Variants in KARS1 observed in about 807,000 individuals in gnomAD.
KARS1 encodes lysyl-tRNA synthetase 1.
A neutral mutation model predicts 63.9 loss-of-function variants in KARS1; 50 were observed. The ratio of observed to expected loss-of-function variants is 0.78; its 90% CI spans 0.62 to 0.99. The LOEUF is 0.99. Among genes scored for constraint, KARS1 ranks in the 50% least tolerant of loss-of-function variants. The pLI, the probability that KARS1 is intolerant of heterozygous loss-of-function variation, is 0.00. For missense variants in KARS1, 816 were observed against 754.5 expected, an observed-to-expected ratio of 1.08 and a Z score of -0.95; for synonymous variants, 320 against 264.6, an observed-to-expected ratio of 1.21 and a Z score of -2.03.
intron 1 of KARS1, 22 bp downstream of exon 1, chr16:75,647,556 A>AG (rs765949103): frequency 4.3e-6 from 7 of 1,610,128 alleles, no homozygotes; most frequent in Non-Finnish European, 5.9e-6. Context: ...CAAAGGCTTT[A>AG]AAGACTCGCA....
chr16:75,642,965 T>G (rs369070727), intron 1 of KARS1: 1 of 152,358 alleles, frequency 6.6e-6, no homozygotes, highest in Non-Finnish European at 1.5e-5. Flanking sequence ...TAGGTATCTT[T>G]TAGTATCTTA....
chr16:75,631,818 A>G lies in KARS1; in HGVS notation c.953T>C (p.Ile318Thr). The G allele has an allele frequency of 1.9e-6, 3 of 1,614,104 alleles. No individual in the cohort carries two copies. The highest frequency in any genetic ancestry group is 2.5e-6 in the Non-Finnish European group (3 of 1,180,030). The change falls in exon 8 of 14, where the codon ATT becomes ACT. Residue 318 changes from isoleucine (I) to threonine (T), a missense_variant. By Grantham distance (89) the Ile-to-Thr change is moderately conservative (BLOSUM62 -1). Transcript: ENST00000302445. ...VVGGIDRVYE[I>T]GRQFRNEGID... ...CCCCTCATTCCGGAACTGGCGTCCA[A>G]TTTCATAAACCCGGTCGATGCCACC... is the stretch of plus-strand genomic sequence containing the variant.
At chr16:75,636,377 A>AAATGCAT in intron 4 of KARS1, 77 bp downstream of exon 4, 1 of 973,358 alleles carries the variant, frequency 1.0e-6, no homozygotes. Context: ...TTCAAATACC[A>AAATGCAT]GTAAGACCAC....
chr16:75,637,899 CCA>C (rs2082180054), intron 3 of KARS1, among the ~76,000 whole-genome samples: 1 of 102,846 alleles, frequency 9.7e-6, no homozygotes. Flanking sequence ...AAAAAAGAGA[CCA>C]AAAAAAAAAA....
intron 11 of KARS1, among the ~76,000 whole-genome samples, chr16:75,629,859 C>G (rs939661203): frequency 5.3e-5 from 8 of 152,216 alleles, no homozygotes; most frequent in African/African-American, 1.9e-4. Context: ...CTAGTGGACT[C>G]AAAAGTGTTA....
intron 1 of KARS1, 102 bp downstream of exon 1, chr16:75,647,476 G>T: frequency 2.7e-6 from 3 of 1,102,818 alleles, no homozygotes; most frequent in Non-Finnish European, 4.1e-6. Flanking sequence ...ACGAGAGCCG[G>T]CAAGAAGGCC....
intron 1 of KARS1, chr16:75,642,924 C>T (rs2082240845): frequency 6.6e-6 from 1 of 152,216 alleles, no homozygotes; most frequent in African/African-American, 2.4e-5. Flanking sequence ...TACCCTGACC[C>T]TGGCATTCAG....
Position 75,632,867 on chromosome 16 carries a change from T to C in KARS1, c.916-1012A>G, listed in dbSNP as rs572127201. On this transcript the variant is annotated intron_variant, in intron 7 of 13. Transcript: ENST00000302445. ...CAAACCTTTTGGAAGGCCGAAAGGT[T>C]ACGTAGCTTGTAATAACTGAACAGG... Among the ~76,000 whole-genome samples, 6 of 152,294 alleles carry C rather than the reference T, an allele frequency of 3.9e-5. No homozygotes were observed. The South Asian group carries it at 1.2e-3, about 32-fold the overall frequency.
At chr16:75,635,884 C>G in intron 5 of KARS1, 28 bp downstream of exon 5, 1 of 1,613,610 alleles carries the variant, frequency 6.2e-7, no homozygotes, top group South Asian at 1.1e-5. Context: ...AGCTAGGAGG[C>G]CACAGCTAGG....
intron 1 of KARS1, chr16:75,642,844 C>T (rs1597176589): frequency 2.0e-5 from 3 of 152,222 alleles, no homozygotes; most frequent in East Asian, 1.9e-4. Context: ...ACCTGTGAAA[C>T]GAAAATAATA....
At chr16:75,628,737 G>A in intron 12 of KARS1, 25 bp from the exon 13 acceptor site, 2 of 1,613,890 alleles carry the variant, frequency 1.2e-6, no homozygotes, top group Non-Finnish European at 1.7e-6. Flanking sequence ...AGAACCAAAA[G>A]GTGACCTTCT....
chr16:75,634,363 G>A, intron 6 of KARS1, 71 bp from the exon 7 acceptor site: 1 of 1,519,114 alleles, frequency 6.6e-7, no homozygotes, highest in Non-Finnish European at 9.1e-7. Flanking sequence ...TGCTTTGCAT[G>A]TAATATAGTC....
chr16:75,628,830 T>C, intron 12 of KARS1, 118 bp from the exon 13 acceptor site: 1 of 1,068,860 alleles, frequency 9.4e-7, no homozygotes, highest in Non-Finnish European at 1.4e-6. Context: ...CTCCTGACAC[T>C]CAGGACTTGC....
Position 75,629,610 on chromosome 16 carries a change from T to A in KARS1, c.1425-69A>T. 12 of 1,559,372 alleles carry A rather than the reference T, an allele frequency of 7.7e-6. No homozygotes were observed. The South Asian group carries it at 1.1e-4, about 14-fold the overall frequency. ...TAATGAGCTAAATTTTGTTTTTTCT[T>A]TTTTTTTGAGACGGAGTCTCGCTCT... On this transcript the variant is annotated intron_variant, in intron 11 of 13. Transcript: ENST00000302445.
intron 1 of KARS1, among the ~76,000 whole-genome samples, chr16:75,642,185 C>CTTTTTTTTTT (rs148991591): frequency 7.9e-5 from 5 of 63,200 alleles, no homozygotes; most frequent in African/African-American, 2.0e-4. Context: ...AGTGCCAGGT[C>CTTTTTTTTTT]TTTTTTTTTT....
intron 7 of KARS1, among the ~76,000 whole-genome samples, chr16:75,632,481 C>T (rs931074679): frequency 1.3e-5 from 2 of 152,232 alleles, no homozygotes; most frequent in African/African-American, 4.8e-5. Context: ...CAGTCAGATA[C>T]ACTTGTGAGA....
chr16:75,628,830 T>G (rs901172130), intron 12 of KARS1, 118 bp from the exon 13 acceptor site: 9 of 1,068,740 alleles, frequency 8.4e-6, no homozygotes, highest in African/African-American at 3.1e-5. Context: ...CTCCTGACAC[T>G]CAGGACTTGC....
intron 3 of KARS1, among the ~76,000 whole-genome samples, chr16:75,639,259 T>C (rs2082196618): frequency 6.6e-6 from 1 of 151,792 alleles, no homozygotes; most frequent in Non-Finnish European, 1.5e-5. Flanking sequence ...AATACTGAAC[T>C]AGAATAACTA....
At position 75,630,666 on chromosome 16, in the gene KARS1, C is replaced by T. The variant is rs376411913; in HGVS notation, c.1339-158G>A. Among the ~76,000 whole-genome samples, 16 of 151,938 alleles carry T rather than the reference C, an allele frequency of 1.1e-4. No homozygotes were observed. The East Asian group carries it at 1.4e-3, about 13-fold the overall frequency. ...TATTATTATTATTGAGATGGAGTCT[C>T]GCTCTGTCGCCCAGGCTGGAGTGCA... is the stretch of plus-strand genomic sequence containing the variant. On this transcript the variant is annotated intron_variant, in intron 10 of 13. Transcript: ENST00000302445.
Sources: allele counts gnomAD v4.1 joint callset (sites outside exome capture counted in the v4.1 genomes callset), GRCh38; gene constraint gnomAD v4.1.1; transcripts MANE v1.5; gene names NCBI Gene and HGNC (gene_info 2026-07-23, HGNC 2026-07-21).